Variants in GNA12 observed in about 807,000 individuals in gnomAD.
GNA12 encodes guanine nucleotide-binding protein subunit alpha-12.
A neutral mutation model predicts 26.0 loss-of-function variants in GNA12; 9 were observed. That is an observed-to-expected ratio of 0.35 (90% CI 0.21 to 0.60). The LOEUF is 0.60. Ranked by LOEUF, GNA12 falls within the 20% of genes least tolerant of loss-of-function variation. The pLI is 0.78. For missense variants in GNA12, 405 were observed against 525.8 expected (o/e 0.77, Z 2.25); for synonymous variants, 264 against 219.6 (o/e 1.20, Z -1.79).
chr7:2,756,915 A>C (rs1318413914), intron 2 of GNA12, among the ~76,000 whole-genome samples: 1 of 151,200 alleles, frequency 6.6e-6, no homozygotes, highest in African/African-American at 2.4e-5. Flanking sequence ...CTCTATTAAA[A>C]ATTTAAAAAG....
intron 1 of GNA12, among the ~76,000 whole-genome samples, chr7:2,818,055 A>G (rs1236120909): frequency 6.6e-6 from 1 of 152,244 alleles, no homozygotes; most frequent in African/African-American, 2.4e-5. Context: ...GTAGTTCACT[A>G]TAACGTATTA....
At chr7:2,740,060 T>C (rs958345739) in intron 2 of GNA12, among the ~76,000 whole-genome samples, 25 of 152,322 alleles carry the variant, frequency 1.6e-4, no homozygotes, top group Admixed American at 7.8e-4. Context: ...CCATGGGCCA[T>C]GTACAAAGTT....
At position 2,733,506 on chromosome 7, in the gene GNA12, C is replaced by CAGGA. The variant is rs1340870396; in HGVS notation, c.526-9_526-6dup. On this transcript the variant is annotated splice_polypyrimidine_tract_variant and splice_region_variant and intron_variant, in intron 2 of 3. Transcript: ENST00000275364. ...GAAGTACTTCACCGACTCCCCCTGT[C>CAGGA]AGGAAGGAAGAATATTCACAGCTCA... The CAGGA allele has an allele frequency of 6.2e-7, 1 of 1,612,516 alleles. No individual in the cohort carries two copies. Among genetic ancestry groups the CAGGA allele is most frequent in the Non-Finnish European group, 8.5e-7 (1 of 1,178,690 alleles).
At chr7:2,814,796 C>T in intron 1 of GNA12, 2 of 1,340,184 alleles carry the variant, frequency 1.5e-6, no homozygotes, top group Admixed American at 3.9e-5. Context: ...CCCTGACCTG[C>T]CCCGCACTGC....
intron 1 of GNA12, among the ~76,000 whole-genome samples, chr7:2,839,238 T>C (rs1778921933): frequency 7.2e-6 from 1 of 139,636 alleles, no homozygotes; most frequent in Middle Eastern, 3.5e-3. Flanking sequence ...CAGGAAAATC[T>C]TTTCTTTTTT....
At chr7:2,776,049 T>C (rs975830666) in intron 2 of GNA12, among the ~76,000 whole-genome samples, 1 of 152,172 alleles carries the variant, frequency 6.6e-6, no homozygotes, top group Non-Finnish European at 1.5e-5. Context: ...ACAATGGGTC[T>C]TTTGATTTTT....
At position 2,730,911 on chromosome 7, in the gene GNA12, G is replaced by A. The variant is rs1789856127; in HGVS notation, c.*270C>T. ...CGTTTCTGTAAAAGCAAAGCAAGCT[G>A]TGTGATTAGGTGTTCCGTATTCACA... On this transcript the variant is annotated 3_prime_UTR_variant, in exon 4 of 4. Coordinates refer to ENST00000275364, the MANE Select transcript of GNA12 (RefSeq NM_007353.3). 1 of 424,890 alleles carries A rather than the reference G, an allele frequency of 2.4e-6. No individual in the cohort carries two copies. Among genetic ancestry groups the A allele is most frequent in the South Asian group, 4.3e-5 (1 of 23,506 alleles). 26.3% of individuals were successfully genotyped at this position (424,890 alleles called of 1,614,324 possible).
At chr7:2,790,395 C>T (rs1051203026) in intron 2 of GNA12, among the ~76,000 whole-genome samples, 2 of 152,142 alleles carry the variant, frequency 1.3e-5, no homozygotes, top group African/African-American at 2.4e-5. Flanking sequence ...GAACTACAGG[C>T]GCGCAACACC....
intron 2 of GNA12, among the ~76,000 whole-genome samples, chr7:2,735,169 G>A (rs1048101522): frequency 1.1e-4 from 16 of 152,276 alleles, no homozygotes; most frequent in African/African-American, 3.9e-4. Flanking sequence ...GCCTCCTCCT[G>A]CTCTCCTGCC....
chr7:2,806,747 G>A (rs1792960176), intron 1 of GNA12, among the ~76,000 whole-genome samples: 1 of 152,180 alleles, frequency 6.6e-6, no homozygotes, highest in Non-Finnish European at 1.5e-5. Context: ...TGGCTGCAGA[G>A]TAGTCCGACA....
intron 1 of GNA12, among the ~76,000 whole-genome samples, chr7:2,810,545 C>G (rs1165711669): frequency 6.6e-6 from 1 of 152,100 alleles, no homozygotes; most frequent in Non-Finnish European, 1.5e-5. Flanking sequence ...TGGGTTTTGT[C>G]AATAATTTTT....
At chr7:2,799,506 C>A (rs1245225944) in intron 1 of GNA12, among the ~76,000 whole-genome samples, 2 of 152,070 alleles carry the variant, frequency 1.3e-5, no homozygotes, top group Non-Finnish European at 2.9e-5. Flanking sequence ...AGCTTGAGCC[C>A]AAGAGTTTGA....
At chr7:2,842,011 G>GGGAGGAAGGAAGAAAGGGAC in intron 1 of GNA12, among the ~76,000 whole-genome samples, 1 of 144,448 alleles carries the variant, frequency 6.9e-6, no homozygotes, top group Non-Finnish European at 1.5e-5. Flanking sequence ...TAGGGAGGGA[G>GGGAGGAAGGAAGAAAGGGAC]GGAGAAAGGA....
chr7:2,779,936 A>G (rs890991009), intron 2 of GNA12, among the ~76,000 whole-genome samples: 5 of 151,756 alleles, frequency 3.3e-5, no homozygotes, highest in African/African-American at 1.2e-4. Context: ...AATAAAAATA[A>G]TTTAGAAAGT....
intron 2 of GNA12, among the ~76,000 whole-genome samples, chr7:2,760,771 C>G (rs369293505): frequency 6.6e-6 from 1 of 152,244 alleles, no homozygotes; most frequent in South Asian, 2.1e-4. Flanking sequence ...GGGACAGCGT[C>G]GAGCTCCCTA....
chr7:2,728,635 TAA>T lies in GNA12; in HGVS notation c.*2544_*2545del, dbSNP rs1196176580. 1.3e-5 allele frequency: 2 copies of T among 152,366 alleles called. No homozygotes were observed. The highest frequency in any genetic ancestry group is 4.8e-5 in the African/African-American group (2 of 41,392). 9.4% of individuals were successfully genotyped at this position (152,366 alleles called of 1,614,324 possible). ...ACCTCCTGCTTTTCCAACATCTTAA[TAA>T]AAAAGACAATAAGGATTAACAGTGA... is the stretch of plus-strand genomic sequence containing the variant. On this transcript the variant is annotated 3_prime_UTR_variant, in exon 4 of 4. Transcript: ENST00000275364.
chr7:2,773,197 T>C (rs923337494), intron 2 of GNA12, among the ~76,000 whole-genome samples: 1 of 152,252 alleles, frequency 6.6e-6, no homozygotes, highest in Non-Finnish European at 1.5e-5. Context: ...AGTAGATACA[T>C]ACGTAAATCT....
At chr7:2,769,413 G>C (rs13229690) in intron 2 of GNA12, among the ~76,000 whole-genome samples, 1 of 152,196 alleles carries the variant, frequency 6.6e-6, no homozygotes, top group South Asian at 2.1e-4. Flanking sequence ...CTAGGTCAAA[G>C]AGTATCCATA....
At chr7:2,788,000 A>G (rs1792407513) in intron 2 of GNA12, among the ~76,000 whole-genome samples, 1 of 152,110 alleles carries the variant, frequency 6.6e-6, no homozygotes, top group African/African-American at 2.4e-5. Context: ...CTAAAAATAC[A>G]AAAAATTAGC....
Sources: allele counts gnomAD v4.1 joint callset (sites outside exome capture counted in the v4.1 genomes callset), GRCh38; gene constraint gnomAD v4.1.1; transcripts MANE v1.5; gene names NCBI Gene and HGNC (gene_info 2026-07-23, HGNC 2026-07-21).